The following HIBCH variants were observed in gnomAD, a reference collection of about 807,000 sequenced individuals.
HIBCH encodes 3-hydroxyisobutyryl-CoA hydrolase, mitochondrial.
In HIBCH, 50 loss-of-function variants were observed where a neutral mutation model predicts 58.2. That is an observed-to-expected ratio of 0.86 (90% CI 0.68 to 1.09). HIBCH has a LOEUF of 1.09. Among genes scored for constraint, HIBCH ranks in the 50% least tolerant of loss-of-function variants. HIBCH has a pLI of 0.00. For missense variants in HIBCH, 450 were observed against 449.7 expected (o/e 1.00, Z -0.01); for synonymous variants, 151 against 146.9 (o/e 1.03, Z -0.20).
chr2:190,281,377 G>A lies in HIBCH; in HGVS notation c.438+6209C>T, dbSNP rs1329756019. 6.6e-6 allele frequency among the ~76,000 whole-genome samples: 1 copy of A among 152,158 alleles called. No individual in the cohort carries two copies. The highest frequency in any genetic ancestry group is 6.5e-5 in the Admixed American group (1 of 15,284). ...ACCTGGGGCACTTGAGCCATAGCGG[G>A]GACAACTGAGGAGCACTGTGCTGGA... On this transcript the variant is annotated intron_variant, in intron 6 of 13. Coordinates refer to ENST00000359678, the MANE Select transcript of HIBCH (RefSeq NM_014362.4). This position sits in a 1 kb window ranked among gnomAD's most constrained non-coding sequence, Gnocchi z 5.4.
chr2:190,231,907 T>C (rs1257940728), intron 11 of HIBCH, among the ~76,000 whole-genome samples: 1 of 152,110 alleles, frequency 6.6e-6, no homozygotes, highest in Non-Finnish European at 1.5e-5. Flanking sequence ...ACATAAAACT[T>C]AATTTCAGGG....
chr2:190,194,391 T>A (rs185577890), intron 1 of HIBCH, among the ~76,000 whole-genome samples: 2 of 151,576 alleles, frequency 1.3e-5, no homozygotes, highest in East Asian at 1.9e-4. Flanking sequence ...GTGTATTTTT[T>A]AAAAAAATAA....
chr2:190,239,105 T>C (rs149065096), intron 11 of HIBCH, among the ~76,000 whole-genome samples: 3 of 152,208 alleles, frequency 2.0e-5, no homozygotes, highest in Admixed American at 2.0e-4. Flanking sequence ...TTAGGTCTTA[T>C]GTTTAAGTCT....
chr2:190,307,445 G>A (rs1369659729), intron 2 of HIBCH, among the ~76,000 whole-genome samples: 1 of 152,200 alleles, frequency 6.6e-6, no homozygotes, highest in Non-Finnish European at 1.5e-5. Context: ...GCCAAGGCAG[G>A]AAGATCATTT....
intron 13 of HIBCH, among the ~76,000 whole-genome samples, chr2:190,208,421 C>T (rs1010036663): frequency 2.0e-5 from 3 of 152,094 alleles, no homozygotes; most frequent in African/African-American, 7.2e-5. Context: ...CAGATGCAGT[C>T]CATGATTGTA....
chr2:190,206,887 A>C lies in HIBCH; in HGVS notation c.1046-1655T>G, dbSNP rs1274738870. 6.6e-6 allele frequency among the ~76,000 whole-genome samples: 1 copy of C among 152,114 alleles called. No homozygotes were observed. The highest frequency in any genetic ancestry group is 2.4e-5 in the African/African-American group (1 of 41,442). The stretch of plus-strand genomic sequence containing the variant: ...AGGCCTATAATCCCAGCACTTTGGG[A>C]GGCTGAGGTAGGCGGATTACGAGGT... On this transcript the variant is annotated intron_variant, in intron 13 of 13. Transcript: ENST00000359678. This position sits in a 1 kb window ranked among gnomAD's most constrained non-coding sequence, Gnocchi z 5.1.
intron 8 of HIBCH, chr2:190,251,405 A>T (rs924333744): frequency 4.1e-5 from 13 of 315,998 alleles, no homozygotes. Flanking sequence ...GGAATAAGAT[A>T]AGCCAGTCCA....
chr2:190,312,697 T>C (rs1398241783), intron 1 of HIBCH, among the ~76,000 whole-genome samples: 1 of 152,228 alleles, frequency 6.6e-6, no homozygotes, highest in African/African-American at 2.4e-5. Flanking sequence ...AAACAACCTA[T>C]TTGTTTAAGT....
chr2:190,229,246 CAG>C lies in HIBCH; in HGVS notation c.891+15639_891+15640del, dbSNP rs1686017600. On this transcript the variant is annotated intron_variant, in intron 11 of 13. Transcript: ENST00000359678. ...TTACTTTTAAAAAATGCATTAAAAA[CAG>C]AACTGATATTGACTTCCATTAAGTA... Among the ~76,000 whole-genome samples, 4 of 152,254 alleles carry C rather than the reference CAG, an allele frequency of 2.6e-5. No individual in the cohort carries two copies. The South Asian group carries it at 8.3e-4, about 32-fold the overall frequency.
intron 6 of HIBCH, among the ~76,000 whole-genome samples, chr2:190,270,258 G>A (rs1040949906): frequency 7.9e-6 from 1 of 126,692 alleles, no homozygotes; most frequent in East Asian, 2.1e-4. Context: ...AATAAATTTA[G>A]TTATTACACC....
rs1690037590 is a variant in HIBCH at position 190,197,544 on chromosome 2, C to G, written c.*18-7547G>C. On this transcript the variant is annotated intron_variant, in intron 1 of 1. Transcript: ENST00000399855. This position sits in a 1 kb window ranked among gnomAD's most constrained non-coding sequence, Gnocchi z 4.0. ...TATAAATTCCAGCTGTTTTAGTAAC[C>G]CTAACCTCTGTTGCATCAGAGTTGC... Among the ~76,000 whole-genome samples, 1 of 152,140 alleles carries G rather than the reference C, an allele frequency of 6.6e-6. No individual in the cohort carries two copies. The highest frequency in any genetic ancestry group is 2.4e-5 in the African/African-American group (1 of 41,418).
Position 190,208,553 on chromosome 2 carries a change from TA to T in HIBCH, c.1045+326del, listed in dbSNP as rs1037238630. On this transcript the variant is annotated intron_variant, in intron 13 of 13. Coordinates refer to ENST00000359678, the MANE Select transcript of HIBCH (RefSeq NM_014362.4). ...ATATCCCAGATGGTAACATATTCTTTAAAAACATACACAACTTTGCAATCTT... is the reference window on the plus strand; with the variant it reads ...ATATCCCAGATGGTAACATATTCTTTAAAACATACACAACTTTGCAATCTT... The T allele has an allele frequency of 8.3e-6, 3 of 362,240 alleles. No homozygotes were observed. The Admixed American group carries it at 1.3e-4, about 16-fold the overall frequency. The allele number at this position is 362,240 out of a possible 1,614,324, so 22.4% of individuals were successfully genotyped here. A position where few individuals can be genotyped will look rare whatever the true frequency, so the allele number is the denominator to read the frequency against.
chr2:190,212,350 A>G (rs536105910), intron 12 of HIBCH, among the ~76,000 whole-genome samples: 2 of 152,344 alleles, frequency 1.3e-5, no homozygotes, highest in Admixed American at 6.5e-5. Context: ...TCCATATATT[A>G]GTCTAAATAA....
At chr2:190,246,986 C>A (rs1293938599) in intron 9 of HIBCH, among the ~76,000 whole-genome samples, 2 of 151,712 alleles carry the variant, frequency 1.3e-5, no homozygotes, top group East Asian at 3.8e-4. Context: ...TCACACTAAG[C>A]TCCAATTAAA....
chr2:190,276,986 T>C (rs190961471), intron 6 of HIBCH, among the ~76,000 whole-genome samples: 1 of 152,358 alleles, frequency 6.6e-6, no homozygotes, highest in East Asian at 1.9e-4. Context: ...GTTATTTTTA[T>C]TTCTATCTTA....
chr2:190,223,673 G>A (rs1685799213), intron 11 of HIBCH, among the ~76,000 whole-genome samples: 2 of 152,234 alleles, frequency 1.3e-5, no homozygotes, highest in African/African-American at 4.8e-5. Flanking sequence ...TGAGAGCATG[G>A]AAAGGGCTAT....
At chr2:190,298,198 T>C (rs1378748302) in intron 2 of HIBCH, among the ~76,000 whole-genome samples, 2 of 152,188 alleles carry the variant, frequency 1.3e-5, no homozygotes, top group African/African-American at 4.8e-5. Context: ...CTATTGTAAA[T>C]AGTGCTGCAA....
intron 1 of HIBCH, among the ~76,000 whole-genome samples, chr2:190,194,122 A>G (rs1689851063): frequency 6.6e-6 from 1 of 152,160 alleles, no homozygotes; most frequent in Non-Finnish European, 1.5e-5. Flanking sequence ...TAGAAATTGT[A>G]CTGTGTAATG....
At chr2:190,237,239 C>A (rs1686300120) in intron 11 of HIBCH, among the ~76,000 whole-genome samples, 1 of 152,190 alleles carries the variant, frequency 6.6e-6, no homozygotes, top group South Asian at 2.1e-4. Context: ...TCTCCTTACC[C>A]TCTGGCAACT....
Sources: gnomAD v4.1 joint callset for allele counts (sites outside exome capture counted in the v4.1 genomes callset) on GRCh38, gnomAD v4.1.1 for gene constraint, Gnocchi (gnomAD v3.1) non-coding constraint, MANE v1.5 for transcripts, NCBI Gene and HGNC (gene_info 2026-07-23, HGNC 2026-07-21) for gene names.